The following SORCS2 variants were observed in gnomAD, a reference collection of about 807,000 sequenced individuals.
The protein encoded by SORCS2 is sortilin related VPS10 domain containing receptor 2, also known as VPS10 domain-containing receptor SorCS2.
In SORCS2, 100 loss-of-function variants were observed where a neutral mutation model predicts 141.6. The ratio of observed to expected loss-of-function variants is 0.71; its 90% CI spans 0.60 to 0.83. SORCS2 has a LOEUF of 0.83. Among genes scored for constraint, SORCS2 ranks in the 40% least tolerant of loss-of-function variants. SORCS2 has a pLI of 0.00. For missense variants in SORCS2, 1,646 were observed against 1,560.2 expected (o/e 1.05, Z -0.93); for synonymous variants, 789 against 676.9 (o/e 1.17, Z -2.57).
At chr4:7,462,691 G>T (rs1463689706) in intron 2 of SORCS2, among the ~76,000 whole-genome samples, 2 of 151,798 alleles carry the variant, frequency 1.3e-5, no homozygotes, top group African/African-American at 4.8e-5. Flanking sequence ...CTGGCTCTGG[G>T]TCTGGCACGC....
At chr4:7,682,922 T>G in intron 10 of SORCS2, 33 bp downstream of exon 10, 4 of 1,601,762 alleles carry the variant, frequency 2.5e-6, no homozygotes, top group Non-Finnish European at 2.6e-6. Context: ...CACACCATCC[T>G]TGGCGTGGAT....
intron 2 of SORCS2, among the ~76,000 whole-genome samples, chr4:7,450,383 C>T (rs548102750): frequency 6.6e-6 from 1 of 152,360 alleles, no homozygotes; most frequent in Non-Finnish European, 1.5e-5. Context: ...CCAGCCCTTT[C>T]TTGGGCCCCC....
Position 7,640,443 on chromosome 4 carries a change from AGT to A in SORCS2, c.813+1957_813+1958del, listed in dbSNP as rs201159360. 9.9e-3 allele frequency among the ~76,000 whole-genome samples: 1,262 copies of A among 128,024 alleles called. 17 individuals carry two copies. The highest frequency in any genetic ancestry group is 0.035 in the African/African-American group (1,197 of 33,824). The allele number at this position is 128,024 out of a possible 152,430, so 84.0% of individuals were successfully genotyped here. A position where few individuals can be genotyped will look rare whatever the true frequency, so the allele number is the denominator to read the frequency against. ...GTGATCGTGTGTGTGAGTCTACATG[AGT>A]GTGTGGGTGTGTATGAGCGTGTGTG... On this transcript the variant is annotated intron_variant, in intron 4 of 26. Coordinates refer to ENST00000507866, the MANE Select transcript of SORCS2 (RefSeq NM_020777.3).
At chr4:7,373,066 T>C (rs1247240830) in intron 1 of SORCS2, among the ~76,000 whole-genome samples, 1 of 151,164 alleles carries the variant, frequency 6.6e-6, no homozygotes, top group Non-Finnish European at 1.5e-5. Flanking sequence ...TGTGCAGGTC[T>C]TGGTGTGGAT....
chr4:7,554,196 G>A (rs10023435), intron 3 of SORCS2, among the ~76,000 whole-genome samples: 25,777 of 152,094 alleles, frequency 0.17, 2,722 homozygotes, highest in African/African-American at 0.29. Flanking sequence ...CAGGGAGGAC[G>A]GTGCCAGAGG....
intron 1 of SORCS2, among the ~76,000 whole-genome samples, chr4:7,317,261 G>A (rs1424741333): frequency 6.6e-6 from 1 of 152,192 alleles, no homozygotes; most frequent in Non-Finnish European, 1.5e-5. Context: ...ACCCAGATGA[G>A]GCACCTAGCC....
At chr4:7,457,895 G>A (rs191605819) in intron 2 of SORCS2, among the ~76,000 whole-genome samples, 265 of 152,344 alleles carry the variant, frequency 1.7e-3, no homozygotes, top group Middle Eastern at 6.8e-3. Context: ...GAGAGGTCAG[G>A]AGGGCTGCAG....
chr4:7,487,483 T>C (rs919726113), intron 2 of SORCS2, among the ~76,000 whole-genome samples: 1 of 152,146 alleles, frequency 6.6e-6, no homozygotes, highest in African/African-American at 2.4e-5. Flanking sequence ...GGTGGTGGCT[T>C]GTTGAATGCA....
At chr4:7,614,727 C>G (rs544873248) in intron 3 of SORCS2, among the ~76,000 whole-genome samples, 41 of 151,996 alleles carry the variant, frequency 2.7e-4, no homozygotes, top group African/African-American at 9.7e-4. Context: ...ACCCATCAAT[C>G]CATCTATCCA....
Position 7,729,785 on chromosome 4 carries a change from G to C in SORCS2, c.3108+73G>C, listed in dbSNP as rs147084014. ...GGGCTCGGGTCATTTACAACAAGCA[G>C]GGACGTCTCAGTGGCTCATGGCATA... is the stretch of plus-strand genomic sequence containing the variant. On this transcript the variant is annotated intron_variant, in intron 23 of 26. Coordinates refer to ENST00000507866, the MANE Select transcript of SORCS2 (RefSeq NM_020777.3). 2,722 of 1,548,942 alleles carry C rather than the reference G, an allele frequency of 1.8e-3. 35 individuals are homozygous for C. The African/African-American group carries it at 0.033, about 19-fold the overall frequency.
intron 2 of SORCS2, among the ~76,000 whole-genome samples, chr4:7,525,463 G>C (rs973384788): frequency 6.6e-6 from 1 of 151,998 alleles, no homozygotes; most frequent in Non-Finnish European, 1.5e-5. Flanking sequence ...CCCCAACCGT[G>C]CTTCACCCGG....
intron 3 of SORCS2, among the ~76,000 whole-genome samples, chr4:7,532,007 G>T (rs563420261): frequency 4.6e-5 from 7 of 152,224 alleles, no homozygotes; most frequent in African/African-American, 1.4e-4. Flanking sequence ...CCCGTTCTTC[G>T]GAAGTTAGTT....
intron 2 of SORCS2, among the ~76,000 whole-genome samples, chr4:7,489,164 G>A (rs1731167783): frequency 6.6e-6 from 1 of 152,182 alleles, no homozygotes; most frequent in Non-Finnish European, 1.5e-5. Flanking sequence ...CCAAAAGCTG[G>A]TTCCCTGGAC....
intron 1 of SORCS2, among the ~76,000 whole-genome samples, chr4:7,314,496 C>A (rs968394460): frequency 1.3e-5 from 2 of 151,586 alleles, no homozygotes; most frequent in Non-Finnish European, 2.9e-5. Context: ...CCCGCCACCA[C>A]GCCCGGCTAC....
In SORCS2 at chr4:7,327,498, G is replaced by A. The variant is rs141727477; in HGVS notation, c.481-68790G>A. On this transcript the variant is annotated intron_variant, in intron 1 of 26. Transcript: ENST00000507866. ...AGACCCCATTTCCAAGTAAGGTCACGTTTTGGGTCCTGGATAGATGGCAGC... is the reference window on the plus strand; with the variant it reads ...AGACCCCATTTCCAAGTAAGGTCACATTTTGGGTCCTGGATAGATGGCAGC... 3.9e-4 allele frequency among the ~76,000 whole-genome samples: 59 copies of A among 152,322 alleles called. No homozygotes were observed. The East Asian group carries it at 8.1e-3, about 21-fold the overall frequency.
intron 1 of SORCS2, among the ~76,000 whole-genome samples, chr4:7,226,974 C>G (rs1354441505): frequency 6.6e-6 from 1 of 152,246 alleles, no homozygotes; most frequent in Admixed American, 6.5e-5. Flanking sequence ...GGGGCCATCC[C>G]TGATGGTGCC....
At chr4:7,230,627 GC>G (rs1711793441) in intron 1 of SORCS2, among the ~76,000 whole-genome samples, 1 of 126,232 alleles carries the variant, frequency 7.9e-6, no homozygotes, top group African/African-American at 2.7e-5. Flanking sequence ...AGTGTCTGGA[GC>G]AGTGTCATGT....
At chr4:7,247,500 C>T (rs1266106616) in intron 1 of SORCS2, among the ~76,000 whole-genome samples, 1 of 152,156 alleles carries the variant, frequency 6.6e-6, no homozygotes, top group Non-Finnish European at 1.5e-5. Context: ...GTTTGGCCAA[C>T]CATAAACGGC....
At chr4:7,330,047 T>C (rs1049499674) in intron 1 of SORCS2, among the ~76,000 whole-genome samples, 2 of 151,912 alleles carry the variant, frequency 1.3e-5, no homozygotes, top group African/African-American at 4.8e-5. Flanking sequence ...ATCTGGTCCC[T>C]TGCCTCCCCC....
Sources: gnomAD v4.1 joint callset for allele counts (sites outside exome capture counted in the v4.1 genomes callset) on GRCh38, gnomAD v4.1.1 for gene constraint, MANE v1.5 for transcripts, NCBI Gene and HGNC (gene_info 2026-07-23, HGNC 2026-07-21) for gene names.